The following STK32B variants were observed in gnomAD, a reference collection of about 807,000 sequenced individuals.
The protein encoded by STK32B is serine/threonine kinase 32B.
Under a neutral mutation model 52.6 loss-of-function variants are expected in STK32B, and 43 were observed. The observed-to-expected ratio is 0.82, with a 90% CI of 0.64 to 1.05. The LOEUF is 1.05. STK32B is among the 50% of genes least tolerant of loss of function. STK32B has a pLI of 0.00. For synonymous variants in STK32B, 238 were observed against 204.3 expected, an observed-to-expected ratio of 1.17 and a Z score of -1.41; for missense variants, 621 against 534.6, an observed-to-expected ratio of 1.16 and a Z score of -1.59.
At chr4:5,459,259 G>C (rs1716827950) in intron 8 of STK32B, among the ~76,000 whole-genome samples, 1 of 147,456 alleles carries the variant, frequency 6.8e-6, no homozygotes. Context: ...CTGACTTCCA[G>C]CTCCACCTGT....
intron 4 of STK32B, among the ~76,000 whole-genome samples, chr4:5,354,052 G>A (rs1313943628): frequency 6.6e-6 from 1 of 152,174 alleles, no homozygotes; most frequent in Admixed American, 6.5e-5. Context: ...CTATTCAGCC[G>A]TGAAACAGAA....
chr4:5,487,860 T>C (rs1293537838), intron 11 of STK32B, among the ~76,000 whole-genome samples: 1 of 152,198 alleles, frequency 6.6e-6, no homozygotes, highest in Non-Finnish European at 1.5e-5. Context: ...TCAGGAAGCT[T>C]GGTGAACCTT....
chr4:5,433,880 A>G (rs1198755917), intron 6 of STK32B, among the ~76,000 whole-genome samples: 1 of 152,188 alleles, frequency 6.6e-6, no homozygotes, highest in Non-Finnish European at 1.5e-5. Flanking sequence ...GGCAAATCCC[A>G]CCACATGCAC....
At chr4:5,363,996 TTATGAGAGA>T (rs1224505359) in intron 4 of STK32B, among the ~76,000 whole-genome samples, 2 of 152,210 alleles carry the variant, frequency 1.3e-5, no homozygotes, top group African/African-American at 4.8e-5. Flanking sequence ...AACTAATGAA[TTATGAGAGA>T]TATATTGATC....
At chr4:5,222,145 C>T (rs1346291251) in intron 3 of STK32B, among the ~76,000 whole-genome samples, 1 of 152,126 alleles carries the variant, frequency 6.6e-6, no homozygotes, top group Non-Finnish European at 1.5e-5. Context: ...TTCACAGCCT[C>T]CAGAACTGTG....
intron 2 of STK32B, among the ~76,000 whole-genome samples, chr4:5,155,220 C>T (rs1717715096): frequency 6.6e-6 from 1 of 152,148 alleles, no homozygotes. Flanking sequence ...GAATGCCCAC[C>T]CTCTTCGTCT....
chr4:5,286,745 A>G (rs1315938925), intron 3 of STK32B, among the ~76,000 whole-genome samples: 2 of 147,634 alleles, frequency 1.4e-5, no homozygotes, highest in African/African-American at 2.5e-5. Context: ...TTTACAAATA[A>G]TTTTGCTATG....
At chr4:5,314,444 T>G (rs1190199973) in intron 3 of STK32B, among the ~76,000 whole-genome samples, 1 of 152,026 alleles carries the variant, frequency 6.6e-6, no homozygotes, top group African/African-American at 2.4e-5. Context: ...CTGAGGCAGG[T>G]GGATCACCTG....
chr4:5,452,056 C>T (rs1365095204), intron 7 of STK32B, among the ~76,000 whole-genome samples: 2 of 152,152 alleles, frequency 1.3e-5, no homozygotes, highest in African/African-American at 4.8e-5. Context: ...TGTTTGCTGA[C>T]CATTAGCATG....
intron 1 of STK32B, among the ~76,000 whole-genome samples, chr4:5,078,079 C>G (rs1457388426): frequency 6.6e-6 from 1 of 152,118 alleles, no homozygotes; most frequent in Non-Finnish European, 1.5e-5. Context: ...CCACAAATCC[C>G]CATACGATAG....
chr4:5,105,237 A>C lies in STK32B; in HGVS notation c.53-34668A>C, dbSNP rs564134544. On this transcript the variant is annotated intron_variant, in intron 1 of 11. Transcript: ENST00000282908. ...GTAATCCCAGCACTTTGGGAGGCTG[A>C]GGTGGGAGGATTGCATGAGGCCAGA... Among the ~76,000 whole-genome samples, 19 of 152,258 alleles carry C rather than the reference A, an allele frequency of 1.2e-4. No individual in the cohort carries two copies. The South Asian group carries it at 2.3e-3, about 18-fold the overall frequency.
In STK32B at chr4:5,496,442, G is replaced by A. The variant is rs1433546820; in HGVS notation, c.1107-2503G>A. On this transcript the variant is annotated intron_variant, in intron 11 of 11. Coordinates refer to ENST00000282908, the MANE Select transcript of STK32B (RefSeq NM_018401.3). ...AGCCCTTCGGAAAAGCGCAGTATTG[G>A]GGTGGGAGTGACCCGATTTTCCAGG... Among the ~76,000 whole-genome samples, 3 of 152,110 alleles carry A rather than the reference G, an allele frequency of 2.0e-5. No homozygotes were observed. In the East Asian group the frequency reaches 5.8e-4, roughly 29 times the overall value.
intron 4 of STK32B, among the ~76,000 whole-genome samples, chr4:5,390,277 C>G (rs1162559475): frequency 6.6e-6 from 1 of 152,204 alleles, no homozygotes; most frequent in Non-Finnish European, 1.5e-5. Context: ...CTCAGCTCTG[C>G]TGGCCATGGC....
intron 1 of STK32B, among the ~76,000 whole-genome samples, chr4:5,066,865 G>A (rs1387268686): frequency 6.6e-6 from 1 of 152,134 alleles, no homozygotes; most frequent in Non-Finnish European, 1.5e-5. Flanking sequence ...TCTTCAAGAT[G>A]CCTTATCTGC....
the STK32B span, among the ~76,000 whole-genome samples, chr4:5,040,114 C>T: frequency 2.0e-5 from 3 of 152,182 alleles, no homozygotes; most frequent in Admixed American, 2.0e-4. Flanking sequence ...TTCTCACATC[C>T]TGTTGGCTGG....
chr4:5,035,158 A>G, the STK32B span, among the ~76,000 whole-genome samples: 8 of 152,158 alleles, frequency 5.3e-5, no homozygotes, highest in Admixed American at 3.3e-4. Context: ...GTTGCTTCAT[A>G]GCATCATGAA....
At chr4:5,392,010 G>T (rs1736621944) in intron 4 of STK32B, among the ~76,000 whole-genome samples, 1 of 152,208 alleles carries the variant, frequency 6.6e-6, no homozygotes, top group South Asian at 2.1e-4. Flanking sequence ...GAGGATTTAT[G>T]TAGAGAAGGG....
intron 3 of STK32B, among the ~76,000 whole-genome samples, chr4:5,312,551 C>T (rs1730371823): frequency 6.6e-6 from 1 of 151,296 alleles, no homozygotes. Context: ...GTTTTTTGTT[C>T]TTCCGATAGT....
intron 1 of STK32B, among the ~76,000 whole-genome samples, chr4:5,113,360 T>G (rs1259286597): frequency 2.0e-5 from 3 of 152,174 alleles, no homozygotes; most frequent in African/African-American, 7.2e-5. Flanking sequence ...AATAAACTTC[T>G]GTTGTTTATA....
Sources: allele counts gnomAD v4.1 joint callset (sites outside exome capture counted in the v4.1 genomes callset), GRCh38; gene constraint gnomAD v4.1.1; transcripts MANE v1.5; gene names NCBI Gene and HGNC (gene_info 2026-07-23, HGNC 2026-07-21).